The following CNTNAP4 variants were observed in gnomAD, a reference collection of about 807,000 sequenced individuals.
CNTNAP4 encodes contactin-associated protein-like 4.
A neutral mutation model predicts 148.4 loss-of-function variants in CNTNAP4; 98 were observed. The ratio of observed to expected loss-of-function variants is 0.66; its 90% CI spans 0.56 to 0.78. CNTNAP4 has a LOEUF of 0.78. Ranked by LOEUF, CNTNAP4 falls within the 30% of genes least tolerant of loss-of-function variation. The pLI is 0.00. For missense variants in CNTNAP4, 1,935 were observed against 1,565.6 expected (o/e 1.24, Z -3.98); for synonymous variants, 730 against 565.1 (o/e 1.29, Z -4.14).
chr16:76,296,313 C>T lies in CNTNAP4; in HGVS notation c.85+18566C>T, dbSNP rs552229242. 6.6e-5 allele frequency among the ~76,000 whole-genome samples: 10 copies of T among 152,240 alleles called. No individual in the cohort carries two copies. The East Asian group carries it at 1.9e-3, about 29-fold the overall frequency. On this transcript the variant is annotated intron_variant, in intron 1 of 23. Coordinates refer to ENST00000611870, the MANE Select transcript of CNTNAP4 (RefSeq NM_033401.5). ...GTTTTCCTGCCTTCCATTCAAATAC[C>T]TACCTCCACCCCACCCATTTGACTT...
chr16:76,444,624 T>G (rs929108421), intron 4 of CNTNAP4, among the ~76,000 whole-genome samples: 3 of 152,116 alleles, frequency 2.0e-5, no homozygotes, highest in Non-Finnish European at 4.4e-5. Flanking sequence ...TAACTCAGAA[T>G]TTTGTAATTG....
intron 2 of CNTNAP4, among the ~76,000 whole-genome samples, chr16:76,338,605 T>G (rs965742936): frequency 6.6e-6 from 1 of 152,152 alleles, no homozygotes; most frequent in Non-Finnish European, 1.5e-5. Flanking sequence ...TCATTCCATT[T>G]CAGTCCCTCT....
chr16:76,482,531 T>C (rs897294996), intron 12 of CNTNAP4, among the ~76,000 whole-genome samples: 8 of 151,956 alleles, frequency 5.3e-5, no homozygotes, highest in Non-Finnish European at 1.0e-4. Context: ...TTTATACTAA[T>C]GAATGTTTAG....
At chr16:76,410,626 G>T (rs2078759316) in intron 3 of CNTNAP4, among the ~76,000 whole-genome samples, 1 of 151,648 alleles carries the variant, frequency 6.6e-6, no homozygotes, top group Non-Finnish European at 1.5e-5. Context: ...GTGAAGAATA[G>T]GTTAAGCCCT....
chr16:76,446,029 AG>A (rs1568198557), intron 4 of CNTNAP4, among the ~76,000 whole-genome samples: 1 of 152,212 alleles, frequency 6.6e-6, no homozygotes. Context: ...TACAGAATGC[AG>A]TATTTATTCA....
intron 15 of CNTNAP4, among the ~76,000 whole-genome samples, chr16:76,506,045 C>A (rs2082825048): frequency 1.0e-5 from 1 of 97,746 alleles, no homozygotes; most frequent in African/African-American, 2.6e-5. Context: ...ATGTTTCTAA[C>A]TTATATTGAC....
chr16:76,494,831 T>C, intron 13 of CNTNAP4, 79 bp from the exon 14 acceptor site: 1 of 1,375,112 alleles, frequency 7.3e-7, no homozygotes, highest in Non-Finnish European at 1.0e-6. Context: ...TTAATGATTT[T>C]GGAAGAAAAG....
chr16:76,435,121 C>G (rs1270441311), intron 4 of CNTNAP4, among the ~76,000 whole-genome samples: 1 of 152,082 alleles, frequency 6.6e-6, no homozygotes, highest in African/African-American at 2.4e-5. Flanking sequence ...AGGGTCCTTC[C>G]TCAAAGGGAC....
intron 2 of CNTNAP4, among the ~76,000 whole-genome samples, chr16:76,326,313 T>C (rs1962970634): frequency 6.6e-6 from 1 of 152,190 alleles, no homozygotes; most frequent in Admixed American, 6.5e-5. Flanking sequence ...ACATGTGCTC[T>C]GAAAGTGTGG....
At chr16:76,532,545 G>A (rs1390347480) in intron 17 of CNTNAP4, among the ~76,000 whole-genome samples, 1 of 152,220 alleles carries the variant, frequency 6.6e-6, no homozygotes, top group Non-Finnish European at 1.5e-5. Context: ...GCATGTTTCA[G>A]AGCAGCAAAT....
chr16:76,435,756 G>A (rs2145107744), intron 4 of CNTNAP4, among the ~76,000 whole-genome samples: 1 of 152,196 alleles, frequency 6.6e-6, no homozygotes, highest in East Asian at 1.9e-4. Context: ...CTCACAGTGG[G>A]CCATCTTTTA....
intron 13 of CNTNAP4, 35 bp from the exon 14 acceptor site, chr16:76,494,875 A>AAACAG (rs1293258848): frequency 2.5e-6 from 4 of 1,605,414 alleles, no homozygotes; most frequent in Non-Finnish European, 3.4e-6. Flanking sequence ...GTGGAACATA[A>AAACAG]AACAGATGTC....
At chr16:76,525,183 A>C (rs1296433011) in intron 17 of CNTNAP4, among the ~76,000 whole-genome samples, 3 of 152,126 alleles carry the variant, frequency 2.0e-5, no homozygotes, top group African/African-American at 4.8e-5. Context: ...TTTAAGAAAA[A>C]TTGTAACTGG....
intron 3 of CNTNAP4, among the ~76,000 whole-genome samples, chr16:76,416,156 T>TC (rs2078974804): frequency 6.6e-6 from 1 of 151,232 alleles, no homozygotes; most frequent in South Asian, 2.1e-4. Context: ...TTCCCTTTTT[T>TC]CCCCCATAGA....
intron 21 of CNTNAP4, among the ~76,000 whole-genome samples, chr16:76,544,015 C>T (rs1813474040): frequency 6.6e-6 from 1 of 152,184 alleles, no homozygotes; most frequent in Admixed American, 6.5e-5. Context: ...TCTGCCCTTA[C>T]AGAGCTTATG....
intron 3 of CNTNAP4, among the ~76,000 whole-genome samples, chr16:76,360,320 C>T (rs1430245526): frequency 6.6e-6 from 1 of 152,122 alleles, no homozygotes; most frequent in Non-Finnish European, 1.5e-5. Context: ...CTCTGTAAGC[C>T]AGACAGGGTA....
At chr16:76,381,291 G>A (rs1225298260) in intron 3 of CNTNAP4, among the ~76,000 whole-genome samples, 2 of 152,142 alleles carry the variant, frequency 1.3e-5, no homozygotes, top group Admixed American at 6.5e-5. Flanking sequence ...TGTCTTTGGA[G>A]TGAGTCCCGA....
At chr16:76,479,227 T>G (rs9936187) in intron 11 of CNTNAP4, among the ~76,000 whole-genome samples, 192 bp from the exon 12 acceptor site, 3,397 of 152,246 alleles carry the variant, frequency 0.022, 104 homozygotes, top group African/African-American at 0.074. Flanking sequence ...AACTTCTTTT[T>G]TTGCTATCAA....
intron 12 of CNTNAP4, among the ~76,000 whole-genome samples, chr16:76,485,820 A>C (rs963462051): frequency 2.6e-5 from 4 of 152,186 alleles, no homozygotes; most frequent in African/African-American, 9.7e-5. Flanking sequence ...GTTAATACAT[A>C]ACTGTCCATT....
Sources: gnomAD v4.1 joint callset for allele counts (sites outside exome capture counted in the v4.1 genomes callset) on GRCh38, gnomAD v4.1.1 for gene constraint, MANE v1.5 for transcripts, NCBI Gene and HGNC (gene_info 2026-07-23, HGNC 2026-07-21) for gene names.